CDH10: variants seen among roughly 807,000 people sequenced by gnomAD.
The protein encoded by CDH10 is cadherin-10.
CDH10 carries 30 observed loss-of-function variants against 73.1 expected under a neutral mutation model. That is an observed-to-expected ratio of 0.41 (90% CI 0.31 to 0.56). CDH10 has a LOEUF of 0.56. CDH10 is among the 20% of genes least tolerant of loss of function. The pLI is 0.27. For synonymous variants in CDH10, 345 were observed against 348.2 expected, an observed-to-expected ratio of 0.99 and a Z score of 0.10; for missense variants, 815 against 973.7, an observed-to-expected ratio of 0.84 and a Z score of 2.17.
intron 1 of CDH10, among the ~76,000 whole-genome samples, chr5:24,628,845 G>GAC (rs71698746): frequency 0.019 from 2,406 of 127,286 alleles, 52 homozygotes; most frequent in African/African-American, 0.057. Context: ...TCCCCACCTT[G>GAC]ACACACACAC....
At chr5:24,528,334 T>A (rs1743606238) in intron 5 of CDH10, among the ~76,000 whole-genome samples, 1 of 151,932 alleles carries the variant, frequency 6.6e-6, no homozygotes, top group South Asian at 2.1e-4. Context: ...AGTTGAAAAG[T>A]GCTTGATAAT....
intron 5 of CDH10, among the ~76,000 whole-genome samples, chr5:24,513,228 A>T (rs1025948399): frequency 6.6e-6 from 1 of 152,110 alleles, no homozygotes; most frequent in Non-Finnish European, 1.5e-5. Context: ...CATATTGGTC[A>T]GGCTGGTCTC....
intron 5 of CDH10, 27 bp from the exon 6 acceptor site, chr5:24,511,541 G>C (rs778054910): frequency 2.1e-5 from 15 of 719,568 alleles, no homozygotes; most frequent in Middle Eastern, 2.7e-4. Context: ...AAAGAAGAGA[G>C]AGACAGAGAG....
intron 8 of CDH10, among the ~76,000 whole-genome samples, chr5:24,501,838 T>A (rs188204038): frequency 8.5e-5 from 13 of 152,292 alleles, no homozygotes; most frequent in Admixed American, 5.2e-4. Flanking sequence ...CTCTTTGGTG[T>A]CTATAACAAA....
intron 7 of CDH10, among the ~76,000 whole-genome samples, chr5:24,506,382 T>C (rs956237366): frequency 6.6e-6 from 1 of 152,180 alleles, no homozygotes; most frequent in African/African-American, 2.4e-5. Flanking sequence ...AAGAAAATCA[T>C]TGTGTCTCTC....
At chr5:24,542,531 T>G (rs992876349) in intron 2 of CDH10, among the ~76,000 whole-genome samples, 5 of 152,150 alleles carry the variant, frequency 3.3e-5, no homozygotes, top group Non-Finnish European at 1.5e-5. Context: ...CCATATAGCC[T>G]AGGTATGTAG....
At chr5:24,525,948 T>C (rs1743516704) in intron 5 of CDH10, among the ~76,000 whole-genome samples, 1 of 152,060 alleles carries the variant, frequency 6.6e-6, no homozygotes, top group Non-Finnish European at 1.5e-5. Flanking sequence ...TAATACACAA[T>C]GGCAATGTGT....
At chr5:24,571,939 A>G (rs1745398011) in intron 2 of CDH10, among the ~76,000 whole-genome samples, 1 of 150,986 alleles carries the variant, frequency 6.6e-6, no homozygotes, top group East Asian at 2.0e-4. Flanking sequence ...CACCATTGCT[A>G]TGTATGTTTT....
intron 1 of CDH10, among the ~76,000 whole-genome samples, chr5:24,637,201 C>A (rs951195474): frequency 1.3e-5 from 2 of 151,944 alleles, no homozygotes; most frequent in Non-Finnish European, 2.9e-5. Context: ...CTTTCCCTGT[C>A]TTCCCAAGTT....
At chr5:24,600,435 T>A (rs564849890) in intron 1 of CDH10, among the ~76,000 whole-genome samples, 51 of 150,132 alleles carry the variant, frequency 3.4e-4, no homozygotes, top group African/African-American at 1.2e-3. Context: ...TTGTGTGGAA[T>A]CTGTAAAATG....
rs558160488 is a variant in CDH10, at chr5:24,588,173, C to T, written c.231+5087G>A. On this transcript the variant is annotated intron_variant, in intron 2 of 11. Transcript: ENST00000264463. ...ATAATCATTTAACCCAAAGGAGTCT[C>T]TGTCAATGTCTATCACATCAACCTG... Among the ~76,000 whole-genome samples, 10 of 152,288 alleles carry T rather than the reference C, an allele frequency of 6.6e-5. No homozygotes were observed. In the South Asian group the frequency reaches 2.1e-3, roughly 32 times the overall value.
intron 1 of CDH10, among the ~76,000 whole-genome samples, chr5:24,630,121 A>C (rs2112193064): frequency 6.6e-6 from 1 of 152,258 alleles, no homozygotes; most frequent in Middle Eastern, 3.4e-3. Flanking sequence ...TAAGAAAGTA[A>C]AAATATACAA....
intron 1 of CDH10, among the ~76,000 whole-genome samples, chr5:24,628,738 G>T (rs1747594269): frequency 6.6e-6 from 1 of 151,730 alleles, no homozygotes; most frequent in Non-Finnish European, 1.5e-5. Flanking sequence ...ATAAACCCAG[G>T]TTGGTGTCTT....
At chr5:24,591,070 C>T (rs1579852587) in intron 2 of CDH10, among the ~76,000 whole-genome samples, 1 of 151,850 alleles carries the variant, frequency 6.6e-6, no homozygotes, top group East Asian at 1.9e-4. Flanking sequence ...TATATTTTAG[C>T]CTCAAGTTAT....
chr5:24,596,859 G>T (rs951120998), intron 1 of CDH10, among the ~76,000 whole-genome samples: 4 of 151,636 alleles, frequency 2.6e-5, no homozygotes, highest in Non-Finnish European at 4.4e-5. Context: ...AAATATGTTG[G>T]ACTATTTATG....
chr5:24,609,223 T>C (rs1274005078), intron 1 of CDH10, among the ~76,000 whole-genome samples: 1 of 152,154 alleles, frequency 6.6e-6, no homozygotes, highest in Non-Finnish European at 1.5e-5. Context: ...ATAAATAGAA[T>C]GCAGATCATC....
chr5:24,619,383 C>T (rs1293731210), intron 1 of CDH10, among the ~76,000 whole-genome samples: 4 of 151,982 alleles, frequency 2.6e-5, no homozygotes, highest in East Asian at 1.9e-4. Context: ...TTAGTAGAGA[C>T]GAGGTTTCAC....
chr5:24,567,688 A>T (rs1745213907), intron 2 of CDH10, among the ~76,000 whole-genome samples: 1 of 152,042 alleles, frequency 6.6e-6, no homozygotes, highest in Admixed American at 6.6e-5. Context: ...AGGGTAATGA[A>T]AATGATTTGT....
intron 2 of CDH10, among the ~76,000 whole-genome samples, chr5:24,556,886 G>T (rs750666358): frequency 2.2e-4 from 33 of 151,636 alleles, no homozygotes; most frequent in Non-Finnish European, 4.1e-4. Flanking sequence ...GGTTTCTAGA[G>T]ATGTACACAA....
Sources: allele counts gnomAD v4.1 joint callset (sites outside exome capture counted in the v4.1 genomes callset), GRCh38; gene constraint gnomAD v4.1.1; transcripts MANE v1.5; gene names NCBI Gene and HGNC (gene_info 2026-07-23, HGNC 2026-07-21).